Variants in MASTL observed in about 807,000 individuals in gnomAD.
The protein encoded by MASTL is microtubule associated serine/threonine kinase like, also known as serine/threonine-protein kinase greatwall.
MASTL carries 54 observed loss-of-function variants against 82.5 expected under a neutral mutation model. The ratio of observed to expected loss-of-function variants is 0.65; its 90% CI spans 0.53 to 0.82. The LOEUF (loss-of-function observed/expected upper bound fraction) is 0.82. Among genes scored for constraint, MASTL ranks in the 40% least tolerant of loss-of-function variants. MASTL has a pLI of 0.00. For synonymous variants in MASTL, 323 were observed against 368.9 expected (o/e 0.88, Z 1.43); for missense variants, 950 against 1,047.8 (o/e 0.91, Z 1.29).
At chr10:27,155,258 G>A (rs1460330862), upstream of MASTL, 2 of 668,292 alleles carry the variant, frequency 3.0e-6, no homozygotes, top group Non-Finnish European at 2.5e-6. Context: ...CTTTCCCGAC[G>A]CCCCCTCCGT....
intron 9 of MASTL, 88 bp downstream of exon 9, chr10:27,173,347 T>C (rs950313199): frequency 7.7e-6 from 11 of 1,435,836 alleles, no homozygotes; most frequent in African/African-American, 1.4e-5. Flanking sequence ...TCTTCAGTAC[T>C]TACGTTACCT....
rs781259697 is a variant in MASTL at position 27,170,224 on chromosome 10, A to G, written c.1265A>G (p.Gln422Arg). 6.2e-7 allele frequency: 1 copy of G among 1,614,170 alleles called. No individual in the cohort carries two copies. The highest frequency in any genetic ancestry group is 2.2e-5 in the East Asian group (1 of 44,882). Residue 422 changes from glutamine (Q) to arginine (R), a missense_variant, in exon 8 of 12, where the codon CAG (glutamine) becomes CGG (arginine). Coordinates refer to ENST00000375940, the MANE Select transcript of MASTL (RefSeq NM_001172303.3). ...GACACAAGTCAGTTAGGTTTCCATCAGTCAAATCAGTGGGCTGTGGATTCT... is the reference window on the plus strand; with the variant it reads ...GACACAAGTCAGTTAGGTTTCCATCGGTCAAATCAGTGGGCTGTGGATTCT... ...DTDTSQLGFH[Q>R]SNQWAVDSGG... is the part of the protein sequence containing the mutation.
chr10:27,157,866 A>G (rs533351540), intron 1 of MASTL, among the ~76,000 whole-genome samples: 3 of 152,142 alleles, frequency 2.0e-5, no homozygotes, highest in African/African-American at 7.2e-5. Context: ...AAAAAATCAG[A>G]AGTTAAAAAA....
chr10:27,158,000 G>A (rs1449704870), intron 1 of MASTL, among the ~76,000 whole-genome samples: 5 of 152,116 alleles, frequency 3.3e-5, no homozygotes, highest in Non-Finnish European at 7.3e-5. Context: ...AATATGCAGG[G>A]CAGTCTGGGA....
At chr10:27,172,704 A>G (rs2057988629) in intron 8 of MASTL, among the ~76,000 whole-genome samples, 2 of 152,172 alleles carry the variant, frequency 1.3e-5, no homozygotes, top group African/African-American at 2.4e-5. Flanking sequence ...AAATTTTTAA[A>G]TGCTATTTAG....
intron 9 of MASTL, among the ~76,000 whole-genome samples, chr10:27,174,494 G>T (rs904521670): frequency 6.6e-6 from 1 of 152,054 alleles, no homozygotes; most frequent in African/African-American, 2.4e-5. Context: ...CACAAACTGG[G>T]TGTCTCAAAC....
intron 10 of MASTL, 114 bp from the exon 11 acceptor site, chr10:27,181,365 TG>T: frequency 2.5e-6 from 2 of 787,004 alleles, no homozygotes; most frequent in Non-Finnish European, 2.2e-6. Flanking sequence ...CACTCCAGCC[TG>T]GGTGACAAGA....
intron 9 of MASTL, among the ~76,000 whole-genome samples, chr10:27,173,622 C>G (rs576452574): frequency 1.7e-4 from 25 of 151,392 alleles, no homozygotes; most frequent in Non-Finnish European, 3.2e-4. Context: ...CTTTTGTCAC[C>G]CAGGCTGGAG....
In MASTL at chr10:27,155,385, C is replaced by T. The variant is rs1265762289; in HGVS notation, c.-42C>T. 1.9e-6 allele frequency: 3 copies of T among 1,549,422 alleles called. No individual in the cohort carries two copies. Among genetic ancestry groups the T allele is most frequent in the South Asian group, 1.2e-5 (1 of 86,038 alleles). ...CCCAGTTGGCGGGAGTGGCTGCTCG[C>T]GGAGGGGCAGTGTCTGCGGGGCCGC... On this transcript the variant is annotated 5_prime_UTR_variant, in exon 1 of 12. Coordinates refer to ENST00000375940, the MANE Select transcript of MASTL (RefSeq NM_001172303.3).
intron 11 of MASTL, among the ~76,000 whole-genome samples, chr10:27,185,618 CAAAA>C (rs34847161): frequency 2.0e-5 from 2 of 98,580 alleles, no homozygotes; most frequent in African/African-American, 4.0e-5. Flanking sequence ...AGGTGACAGA[CAAAA>C]AAAAAAAAAA....
chr10:27,169,034 G>A (rs967184601), intron 7 of MASTL, among the ~76,000 whole-genome samples: 2 of 151,698 alleles, frequency 1.3e-5, no homozygotes, highest in African/African-American at 4.8e-5. Context: ...CAGATAGTTG[G>A]AATTCAGAAA....
chr10:27,185,086 A>G lies in MASTL; in HGVS notation c.2483-1293A>G, dbSNP rs1037390779. Among the ~76,000 whole-genome samples, 29 of 152,210 alleles carry G rather than the reference A, an allele frequency of 1.9e-4. No individual in the cohort carries two copies. In the East Asian group the frequency reaches 5.4e-3, roughly 28 times the overall value. On this transcript the variant is annotated intron_variant, in intron 11 of 11. Transcript: ENST00000375940. ...ATGAAGAGAACGTGTCAGAACTGTC[A>G]TCAGTATCTATTCTTGAAGTCACCA... is the stretch of plus-strand genomic sequence containing the variant.
Position 27,159,609 on chromosome 10 carries a change from T to G in MASTL, c.325-10T>G, listed in dbSNP as rs1159847135. ...TTTTTATTTCACAATATTAAATTCT[T>G]TTTTGAAAGGTAATGGAATATCTTA... On this transcript the variant is annotated splice_polypyrimidine_tract_variant and intron_variant, in intron 2 of 11. Transcript: ENST00000375940. The surrounding 1 kb of genome is among the most constrained non-coding windows in gnomAD (Gnocchi z 4.0). 1.3e-6 allele frequency: 2 copies of G among 1,490,718 alleles called. No homozygotes were observed. Among genetic ancestry groups the G allele is most frequent in the Admixed American group, 3.4e-5 (2 of 59,588 alleles). 92.3% of individuals were successfully genotyped at this position (1,490,718 alleles called of 1,614,324 possible).
At chr10:27,162,939 G>A (rs2057619226) in intron 4 of MASTL, among the ~76,000 whole-genome samples, 1 of 152,000 alleles carries the variant, frequency 6.6e-6, no homozygotes, top group African/African-American at 2.4e-5. Context: ...GTTTTGGGAT[G>A]GGGTTTTTGC....
In MASTL at chr10:27,186,491, C is replaced by G. The variant is rs746673440; in HGVS notation, c.2595C>G (p.Ala865=). 1.9e-6 allele frequency: 3 copies of G among 1,614,114 alleles called. No homozygotes were observed. Among genetic ancestry groups the G allele is most frequent in the Non-Finnish European group, 2.5e-6 (3 of 1,180,018 alleles). ...DDETDTSYFE[A]RNTAQHLTVS... ...AAACAGATACCTCCTATTTTGAAGC[C>G]AGGAATACTGCTCAGCACCTGACTG... The change falls in exon 12 of 12, where the codon GCC becomes GCG. Residue 865 remains alanine (A), a synonymous_variant. Transcript: ENST00000375940.
At chr10:27,186,272 A>C in intron 11 of MASTL, 107 bp from the exon 12 acceptor site, 1 of 1,139,018 alleles carries the variant, frequency 8.8e-7, no homozygotes, top group Non-Finnish European at 1.3e-6. Flanking sequence ...GACATAATAA[A>C]GTAAGGTAAG....
intron 10 of MASTL, 54 bp from the exon 11 acceptor site, chr10:27,181,426 T>C: frequency 4.0e-6 from 5 of 1,258,754 alleles, no homozygotes; most frequent in Non-Finnish European, 5.8e-6. Context: ...TATCTCTGGA[T>C]ACTATTATTT....
rs2057875606 is a variant in MASTL at position 27,170,147 on chromosome 10, A to G, written c.1188A>G (p.Glu396=). Residue 396 remains glutamate (E), a synonymous_variant, in exon 8 of 12, where the codon GAA becomes GAG. Coordinates refer to ENST00000375940, the MANE Select transcript of MASTL (RefSeq NM_001172303.3). ...VNLAKKCFSG[E]VSWEAVELDV... ...TTGCTAAAAAATGCTTCTCTGGGGA[A>G]GTTTCTTGGGAAGCAGTAGAACTGG... 1.2e-6 allele frequency: 2 copies of G among 1,614,194 alleles called. No homozygotes were observed. The highest frequency in any genetic ancestry group is 2.2e-5 in the East Asian group (1 of 44,888).
chr10:27,186,252 C>A, intron 11 of MASTL, 127 bp from the exon 12 acceptor site: 2 of 973,332 alleles, frequency 2.1e-6, no homozygotes, highest in African/African-American at 1.6e-5. Flanking sequence ...AAACAAATGT[C>A]TGTGAAACTG....
Sources: gnomAD v4.1 joint callset for allele counts (sites outside exome capture counted in the v4.1 genomes callset) on GRCh38, gnomAD v4.1.1 for gene constraint, Gnocchi (gnomAD v3.1) non-coding constraint, MANE v1.5 for transcripts, NCBI Gene and HGNC (gene_info 2026-07-23, HGNC 2026-07-21) for gene names.